Variants in KSR2 observed in about 807,000 individuals in gnomAD.
The protein encoded by KSR2 is kinase suppressor of ras 2.
KSR2 carries 25 observed loss-of-function variants against 107.8 expected under a neutral mutation model. The ratio of observed to expected loss-of-function variants is 0.23; its 90% CI spans 0.17 to 0.32. KSR2 has a LOEUF of 0.32. Among genes scored for constraint, KSR2 ranks in the 10% least tolerant of loss-of-function variants. KSR2 has a pLI of 1.00. For synonymous variants in KSR2, 480 were observed against 507.0 expected (o/e 0.95, Z 0.71); for missense variants, 887 against 1,268.9 (o/e 0.70, Z 4.57).
intron 16 of KSR2, among the ~76,000 whole-genome samples, chr12:117,478,593 C>A (rs140482269): frequency 7.2e-5 from 11 of 151,916 alleles, no homozygotes; most frequent in African/African-American, 2.7e-4. Context: ...AGCAACCGCA[C>A]CCTGCTAATT....
At chr12:117,954,372 T>C (rs1033572939) in intron 1 of KSR2, among the ~76,000 whole-genome samples, 2 of 152,086 alleles carry the variant, frequency 1.3e-5, no homozygotes, top group Non-Finnish European at 2.9e-5. Context: ...CAACTTAGAG[T>C]TGGGATGAGC....
At chr12:117,484,931 T>G (rs1227360042) in intron 15 of KSR2, among the ~76,000 whole-genome samples, 1 of 152,220 alleles carries the variant, frequency 6.6e-6, no homozygotes, top group Non-Finnish European at 1.5e-5. Flanking sequence ...ACTTAACCTA[T>G]GCTGCCGCAG....
At chr12:117,543,593 T>A (rs1468800791) in intron 9 of KSR2, among the ~76,000 whole-genome samples, 1 of 152,226 alleles carries the variant, frequency 6.6e-6, no homozygotes, top group Non-Finnish European at 1.5e-5. Context: ...CTTTCTGGGA[T>A]CTTGTTATAA....
intron 1 of KSR2, among the ~76,000 whole-genome samples, chr12:117,949,247 A>C (rs1896288229): frequency 6.6e-6 from 1 of 152,196 alleles, no homozygotes; most frequent in Admixed American, 6.5e-5. Flanking sequence ...TAAATTCAAA[A>C]GTGATAAATT....
At chr12:117,714,553 GA>G (rs1030448040) in intron 4 of KSR2, among the ~76,000 whole-genome samples, 16 of 152,142 alleles carry the variant, frequency 1.1e-4, no homozygotes, top group Admixed American at 3.9e-4. Flanking sequence ...CACAACCTTT[GA>G]AGCAACGATT....
chr12:117,483,185 T>C (rs1872269372), intron 16 of KSR2, among the ~76,000 whole-genome samples: 2 of 152,192 alleles, frequency 1.3e-5, no homozygotes, highest in African/African-American at 4.8e-5. Flanking sequence ...TTGTAGACTA[T>C]GGTTAATCTT....
At chr12:117,788,327 T>C (rs749113758) in intron 3 of KSR2, among the ~76,000 whole-genome samples, 10 of 152,226 alleles carry the variant, frequency 6.6e-5, no homozygotes, top group Non-Finnish European at 1.2e-4. Flanking sequence ...ATTGTCCACT[T>C]GCTGGGAGAT....
rs1254292550 is a variant in KSR2 at position 117,656,981 on chromosome 12, G to GAGATATATATATAATAGGATAT, written c.1171+10492_1171+10493insATATCCTATTATATATATATCT. On this transcript the variant is annotated intron_variant, in intron 5 of 19. Coordinates refer to ENST00000339824, the MANE Select transcript of KSR2 (RefSeq NM_173598.6). ...ATAATAGGATATATATATATAATAGGATATATATATATATATATATATATA... is the reference window on the plus strand; with the variant it reads ...ATAATAGGATATATATATATAATAGGAGATATATATATAATAGGATATATATATATATATATATATATATATA... 2.8e-3 allele frequency among the ~76,000 whole-genome samples: 271 copies of GAGATATATATATAATAGGATAT among 98,138 alleles called. 3 individuals carry two copies. Among genetic ancestry groups the GAGATATATATATAATAGGATAT allele is most frequent in the East Asian group, 0.015 (48 of 3,232 alleles). 64.4% of individuals were successfully genotyped at this position (98,138 alleles called of 152,430 possible).
chr12:117,864,941 C>T (rs1003211357), intron 1 of KSR2, among the ~76,000 whole-genome samples: 6 of 152,030 alleles, frequency 3.9e-5, no homozygotes, highest in African/African-American at 9.7e-5. Context: ...AGAACATGGA[C>T]GTTTGAAAGA....
intron 16 of KSR2, among the ~76,000 whole-genome samples, chr12:117,477,013 A>G (rs1093313): frequency 0.94 from 142,445 of 152,282 alleles, 66,696 homozygotes; most frequent in African/African-American, 0.98. Context: ...CAACTTATCT[A>G]ACAGATTCTG....
intron 1 of KSR2, among the ~76,000 whole-genome samples, chr12:117,882,316 T>A (rs1161975754): frequency 6.6e-6 from 1 of 152,164 alleles, no homozygotes; most frequent in Non-Finnish European, 1.5e-5. Flanking sequence ...CAAGCACTCA[T>A]AACTTCCCAT....
At chr12:117,865,423 C>T (rs1893436623) in intron 1 of KSR2, among the ~76,000 whole-genome samples, 1 of 152,142 alleles carries the variant, frequency 6.6e-6, no homozygotes, top group Admixed American at 6.6e-5. Context: ...GTTCATTATT[C>T]TATATCTATG....
intron 5 of KSR2, among the ~76,000 whole-genome samples, chr12:117,660,823 A>G (rs896149678): frequency 3.9e-5 from 6 of 152,240 alleles, no homozygotes; most frequent in African/African-American, 9.6e-5. Context: ...CCAACTGCTT[A>G]CATCCAGACT....
chr12:117,492,142 C>T (rs1302891353), intron 14 of KSR2, among the ~76,000 whole-genome samples: 1 of 152,234 alleles, frequency 6.6e-6, no homozygotes, highest in African/African-American at 2.4e-5. Context: ...CCCAGCCTGG[C>T]CTCAGGCAGT....
intron 14 of KSR2, 102 bp downstream of exon 14, chr12:117,524,750 G>A (rs935578730): frequency 3.0e-6 from 4 of 1,324,886 alleles, no homozygotes; most frequent in Non-Finnish European, 4.1e-6. Flanking sequence ...AACTAGAGAT[G>A]GTCTATTAAC....
intron 1 of KSR2, among the ~76,000 whole-genome samples, chr12:117,891,839 C>T (rs892021758): frequency 6.6e-6 from 1 of 151,726 alleles, no homozygotes; most frequent in South Asian, 2.1e-4. Flanking sequence ...CAAAACAAAA[C>T]ATAACAAAAT....
At position 117,767,257 on chromosome 12, in the gene KSR2, C is replaced by A. The variant is rs1426494802; in HGVS notation, c.473-5733G>T. 3.5e-3 allele frequency among the ~76,000 whole-genome samples: 424 copies of A among 119,978 alleles called. 3 individuals carry two copies. The highest frequency in any genetic ancestry group is 0.012 in the African/African-American group (393 of 31,596). 78.7% of individuals were successfully genotyped at this position (119,978 alleles called of 152,430 possible). A position where few individuals can be genotyped will look rare whatever the true frequency, so the allele number is the denominator to read the frequency against. ...TGAAACCCCGTCTCTACTAAAAATC[C>A]AAAAAAAAAAAAAAAAAAATAGCCG... On this transcript the variant is annotated intron_variant, in intron 3 of 19. Transcript: ENST00000339824.
At chr12:117,542,141 C>T (rs146264827) in intron 9 of KSR2, among the ~76,000 whole-genome samples, 2 of 152,116 alleles carry the variant, frequency 1.3e-5, no homozygotes, top group African/African-American at 2.4e-5. Context: ...ATCCTCCCCC[C>T]TCAGCCTCCC....
chr12:117,921,936 G>C (rs1895360358), intron 1 of KSR2, among the ~76,000 whole-genome samples: 1 of 152,178 alleles, frequency 6.6e-6, no homozygotes, highest in Non-Finnish European at 1.5e-5. Flanking sequence ...GCAAATCCCT[G>C]AAGAGTTTAG....
Sources: gnomAD v4.1 joint callset for allele counts (sites outside exome capture counted in the v4.1 genomes callset) on GRCh38, gnomAD v4.1.1 for gene constraint, MANE v1.5 for transcripts, NCBI Gene and HGNC (gene_info 2026-07-23, HGNC 2026-07-21) for gene names.